Variants in NFASC observed in about 807,000 individuals in gnomAD.
NFASC encodes neurofascin, also known as neurofascin homolog.
In NFASC, 43 loss-of-function variants were observed where a neutral mutation model predicts 147.5. That is an observed-to-expected ratio of 0.29 (90% CI 0.23 to 0.38). The LOEUF (loss-of-function observed/expected upper bound fraction) is 0.38, where lower values mean the gene tolerates loss of function less well. Ranked by LOEUF, NFASC falls within the 10% of genes least tolerant of loss-of-function variation. The pLI, the probability that NFASC is intolerant of heterozygous loss-of-function variation, is 1.00. For missense variants in NFASC, 1,320 were observed against 1,689.0 expected (o/e 0.78, Z 3.83); for synonymous variants, 622 against 665.5 (o/e 0.93, Z 1.01).
chr1:204,915,336 G>A (rs2088932792), intron 1 of NFASC, among the ~76,000 whole-genome samples: 1 of 152,112 alleles, frequency 6.6e-6, no homozygotes, highest in African/African-American at 2.4e-5. Context: ...AATGAATATA[G>A]AAAGATATCT....
intron 1 of NFASC, among the ~76,000 whole-genome samples, chr1:204,897,391 G>A (rs1187111264): frequency 1.3e-5 from 2 of 152,136 alleles, no homozygotes; most frequent in African/African-American, 4.8e-5. Flanking sequence ...GCAAGGCCTT[G>A]TAAACCAGGC....
chr1:204,974,472 G>A (rs2150345712), intron 13 of NFASC, 182 bp downstream of exon 13: 2 of 836,244 alleles, frequency 2.4e-6, no homozygotes, highest in East Asian at 2.6e-5. Flanking sequence ...CCAAGACCTT[G>A]AGAGGGATGG....
intron 17 of NFASC, among the ~76,000 whole-genome samples, chr1:204,978,182 CCTT>C (rs1043629114): frequency 2.6e-5 from 4 of 152,192 alleles, no homozygotes; most frequent in Admixed American, 2.6e-4. Flanking sequence ...CCTTCCAAGT[CCTT>C]CTAGTGACCA....
intron 24 of NFASC, among the ~76,000 whole-genome samples, chr1:204,996,692 G>T (rs1408897366): frequency 2.0e-5 from 3 of 152,294 alleles, no homozygotes; most frequent in Middle Eastern, 3.4e-3. Flanking sequence ...TGGAGTGATT[G>T]GTTGGGAATG....
intron 1 of NFASC, among the ~76,000 whole-genome samples, chr1:204,839,707 G>A (rs551873341): frequency 6.6e-6 from 1 of 152,356 alleles, no homozygotes; most frequent in East Asian, 1.9e-4. Flanking sequence ...AGAGGGTAGG[G>A]ACATTGGGGA....
chr1:204,953,784 T>C (rs1460747276), intron 5 of NFASC, among the ~76,000 whole-genome samples: 1 of 152,208 alleles, frequency 6.6e-6, no homozygotes, highest in Admixed American at 6.5e-5. Context: ...CAAGTTTGCA[T>C]TCCTAGTAGA....
chr1:204,909,256 C>T (rs1182119586), intron 1 of NFASC, among the ~76,000 whole-genome samples: 1 of 152,216 alleles, frequency 6.6e-6, no homozygotes, highest in Non-Finnish European at 1.5e-5. Context: ...GGTGTTGTCA[C>T]AATTTTTTTT....
intron 3 of NFASC, chr1:204,947,087 C>T: frequency 3.1e-6 from 1 of 319,658 alleles, no homozygotes; most frequent in South Asian, 2.6e-5. Flanking sequence ...AAAGAAACAG[C>T]AGCAGAAACA....
intron 1 of NFASC, among the ~76,000 whole-genome samples, chr1:204,897,091 T>C (rs1158481718): frequency 1.3e-5 from 2 of 149,412 alleles, no homozygotes; most frequent in Non-Finnish European, 3.0e-5. Context: ...ATTCAGAACC[T>C]GTGCATTTTA....
At chr1:204,939,040 GTGTGTGT>G (rs1276579232) in intron 2 of NFASC, among the ~76,000 whole-genome samples, 3 of 115,650 alleles carry the variant, frequency 2.6e-5, no homozygotes, top group Non-Finnish European at 5.3e-5. Flanking sequence ...ATGGATGGAT[GTGTGTGT>G]GTGTGTGTGT....
rs978939714 is a variant in NFASC, at chr1:204,954,727, C to A, written c.413-102C>A. On this transcript the variant is annotated intron_variant, in intron 6 of 29. Transcript: ENST00000339876. The surrounding 1 kb of genome is among the most constrained non-coding windows in gnomAD (Gnocchi z 5.7). Reference sequence around the variant, plus strand: ...CTCTTGCTCCCTCCTTCTCCAGGTGCCCCTTCTGTTTCTCCTCCTTGCATG... The same window carrying A: ...CTCTTGCTCCCTCCTTCTCCAGGTGACCCTTCTGTTTCTCCTCCTTGCATG... The A allele has an allele frequency of 7.2e-5, 97 of 1,353,074 alleles. No individual in the cohort carries two copies. The highest frequency in any genetic ancestry group is 9.6e-5 in the Non-Finnish European group (93 of 966,104). The allele number at this position is 1,353,074 out of a possible 1,614,324, so 83.8% of individuals were successfully genotyped here.
intron 3 of NFASC, among the ~76,000 whole-genome samples, chr1:204,945,460 G>A (rs1026705692): frequency 2.0e-5 from 3 of 152,210 alleles, no homozygotes; most frequent in East Asian, 1.9e-4. Context: ...ACCACAGTTT[G>A]GAGAAGAGTT....
At chr1:204,899,794 G>A (rs532212945) in intron 1 of NFASC, among the ~76,000 whole-genome samples, 1 of 152,306 alleles carries the variant, frequency 6.6e-6, no homozygotes, top group South Asian at 2.1e-4. Context: ...AGGAAGCATG[G>A]CAGAGAAGAA....
At chr1:204,970,842 A>T (rs2095220236) in intron 11 of NFASC, 95 bp downstream of exon 11, 28 of 1,504,496 alleles carry the variant, frequency 1.9e-5, no homozygotes, top group Non-Finnish European at 2.6e-5. Context: ...TCACACTAGA[A>T]GTTCAGGAAG....
rs535440333 is a variant in NFASC at position 204,973,907 on chromosome 1, G to A, written c.1280-272G>A. 5.3e-5 allele frequency among the ~76,000 whole-genome samples: 8 copies of A among 152,284 alleles called. No homozygotes were observed. In the South Asian group the frequency reaches 1.7e-3, roughly 32 times the overall value. On this transcript the variant is annotated intron_variant, in intron 12 of 29. Coordinates refer to ENST00000339876, the MANE Select transcript of NFASC (RefSeq NM_001005388.3). ...CTAGGAAATGCCTTAGGGCTGTGAT[G>A]GGGCAGCTATGGAACCTGCTGGATA...
intron 1 of NFASC, among the ~76,000 whole-genome samples, chr1:204,886,695 A>T (rs1196662140): frequency 2.6e-5 from 4 of 152,234 alleles, no homozygotes; most frequent in African/African-American, 9.6e-5. Context: ...TGTACAAATC[A>T]GTAAACTGAG....
intron 1 of NFASC, among the ~76,000 whole-genome samples, chr1:204,856,757 G>T (rs940089425): frequency 2.0e-5 from 3 of 152,246 alleles, no homozygotes; most frequent in African/African-American, 4.8e-5. Flanking sequence ...TCATATTAAA[G>T]AAATCATACA....
chr1:204,897,175 C>T (rs1055297625), intron 1 of NFASC, among the ~76,000 whole-genome samples: 1 of 152,054 alleles, frequency 6.6e-6, no homozygotes, highest in African/African-American at 2.4e-5. Flanking sequence ...TGGGATGTAG[C>T]TTGGTCTAGG....
chr1:204,968,176 C>A lies in NFASC; in HGVS notation c.707-73C>A. The A allele has an allele frequency of 1.3e-5, 14 of 1,098,378 alleles. No individual in the cohort carries two copies. Among genetic ancestry groups the A allele is most frequent in the South Asian group, 2.5e-5 (2 of 78,452 alleles). The allele number at this position is 1,098,378 out of a possible 1,614,324, so 68.0% of individuals were successfully genotyped here. On this transcript the variant is annotated intron_variant, in intron 8 of 29. Coordinates refer to ENST00000339876, the MANE Select transcript of NFASC (RefSeq NM_001005388.3). The surrounding 1 kb of genome is among the most constrained non-coding windows in gnomAD (Gnocchi z 5.4). ...GGGCGGTGATGCCACTTCTCTCTAG[C>A]CTGACAGCGTTGGCCTAGTGGGGTC...
Sources: allele counts gnomAD v4.1 joint callset (sites outside exome capture counted in the v4.1 genomes callset), GRCh38; gene constraint gnomAD v4.1.1; non-coding constraint Gnocchi (gnomAD v3.1); transcripts MANE v1.5; gene names NCBI Gene and HGNC (gene_info 2026-07-23, HGNC 2026-07-21).